GPBP1: variants seen among roughly 807,000 people sequenced by gnomAD.
GPBP1 encodes the protein vasculin.
GPBP1 carries 13 observed loss-of-function variants against 56.5 expected under a neutral mutation model. The ratio of observed to expected loss-of-function variants is 0.23; its 90% CI spans 0.15 to 0.37. GPBP1 has a LOEUF of 0.37. GPBP1 is among the 10% of genes least tolerant of loss of function. The pLI, the probability that GPBP1 is intolerant of heterozygous loss-of-function variation, is 1.00. For synonymous variants in GPBP1, 204 were observed against 188.9 expected (o/e 1.08, Z -0.66); for missense variants, 477 against 572.3 (o/e 0.83, Z 1.70).
At chr5:57,219,392 A>AC (rs759725387) in intron 3 of GPBP1, among the ~76,000 whole-genome samples, 9,610 of 75,838 alleles carry the variant, frequency 0.13, 1,448 homozygotes, top group Non-Finnish European at 0.16. Flanking sequence ...AAAAAAAAAA[A>AC]AAAAAAAAAA....
chr5:57,257,342 G>T (rs942882733), intron 10 of GPBP1, among the ~76,000 whole-genome samples: 2 of 151,982 alleles, frequency 1.3e-5, no homozygotes, highest in Non-Finnish European at 2.9e-5. Context: ...GCCAGTGATA[G>T]GTTTTTTAAG....
chr5:57,190,125 A>G (rs2111628871), intron 2 of GPBP1, among the ~76,000 whole-genome samples: 1 of 149,070 alleles, frequency 6.7e-6, no homozygotes, highest in South Asian at 2.3e-4. Context: ...TTTGCACAGT[A>G]AAAGAACTAT....
chr5:57,220,880 AATC>A (rs1755929309), intron 3 of GPBP1, among the ~76,000 whole-genome samples: 2 of 151,666 alleles, frequency 1.3e-5, no homozygotes, highest in South Asian at 2.1e-4. Flanking sequence ...TCTTTCTCAG[AATC>A]ATCATTTATG....
chr5:57,197,322 C>T (rs1026543901), intron 2 of GPBP1, among the ~76,000 whole-genome samples: 2 of 151,792 alleles, frequency 1.3e-5, no homozygotes, highest in African/African-American at 4.8e-5. Flanking sequence ...CTCAAGCAGT[C>T]CCTAGGCTTC....
In GPBP1 at chr5:57,262,929, T is replaced by G. The variant is rs1488328745; in HGVS notation, c.*177T>G. On this transcript the variant is annotated 3_prime_UTR_variant, in exon 12 of 12. Coordinates refer to ENST00000506184, the MANE Select transcript of GPBP1 (RefSeq NM_022913.4). Reference sequence around the variant, plus strand: ...ATGTTTTGTTGGGCTGTGTTGAACATTATTTCTTTGTAAATGAATGTTGTA... The same window carrying G: ...ATGTTTTGTTGGGCTGTGTTGAACAGTATTTCTTTGTAAATGAATGTTGTA... 1.9e-6 allele frequency: 1 copy of G among 523,846 alleles called. No individual in the cohort carries two copies. Among genetic ancestry groups the G allele is most frequent in the African/African-American group, 1.9e-5 (1 of 51,554 alleles). The allele number at this position is 523,846 out of a possible 1,614,324, so 32.4% of individuals were successfully genotyped here. A position where few individuals can be genotyped will look rare whatever the true frequency, so the allele number is the denominator to read the frequency against.
At chr5:57,262,535 T>C in intron 11 of GPBP1, 59 bp from the exon 12 acceptor site, 1 of 1,250,070 alleles carries the variant, frequency 8.0e-7, no homozygotes, top group East Asian at 2.3e-5. Context: ...GCTTATATTA[T>C]TACAGTAGGT....
chr5:57,209,754 G>A (rs72761780), intron 2 of GPBP1, among the ~76,000 whole-genome samples: 5,722 of 152,110 alleles, frequency 0.038, 158 homozygotes, highest in African/African-American at 0.069. Context: ...TGATCGTTTG[G>A]TATTTTTCTT....
chr5:57,208,213 T>C (rs116223212), intron 2 of GPBP1, among the ~76,000 whole-genome samples: 1,745 of 152,226 alleles, frequency 0.011, 32 homozygotes, highest in African/African-American at 0.04. Context: ...CCAGGGACCA[T>C]GCCCTTTTCT....
At chr5:57,250,146 T>G (rs1297073842) in intron 9 of GPBP1, among the ~76,000 whole-genome samples, 1 of 149,420 alleles carries the variant, frequency 6.7e-6, no homozygotes, top group Non-Finnish European at 1.5e-5. Flanking sequence ...TGGCTAATTT[T>G]TGTGTTTTTT....
intron 2 of GPBP1, among the ~76,000 whole-genome samples, chr5:57,188,958 T>C (rs562690696): frequency 1.3e-5 from 2 of 152,282 alleles, no homozygotes; most frequent in East Asian, 3.9e-4. Flanking sequence ...ATCCCACTGC[T>C]ACTAGACTTG....
chr5:57,215,549 A>G (rs1755665667), intron 3 of GPBP1, among the ~76,000 whole-genome samples: 1 of 152,162 alleles, frequency 6.6e-6, no homozygotes, highest in East Asian at 1.9e-4. Flanking sequence ...TTTGAGGCCC[A>G]GTCTCCTGAG....
Position 57,251,027 on chromosome 5 carries a change from A to C in GPBP1, c.1046A>C (p.Glu349Ala), listed in dbSNP as rs1410602747. 2.7e-5 allele frequency: 44 copies of C among 1,613,302 alleles called. No homozygotes were observed. The highest frequency in any genetic ancestry group is 3.6e-5 in the Non-Finnish European group (43 of 1,179,676). Residue 349 changes from glutamate (E) to alanine (A), a missense_variant, in exon 10 of 12, where the codon GAA becomes GCA. Coordinates refer to ENST00000506184, the MANE Select transcript of GPBP1 (RefSeq NM_022913.4). ...AGGGATATAAACCGAAACTTCGATG[A>C]AAATGAAATTCCTCAAGAGAATGGC... ...QERDINRNFD[E>A]NEIPQENGNA...
rs981227350 is a variant in GPBP1 at position 57,196,766 on chromosome 5, T to C, written c.-57-17308T>C. Among the ~76,000 whole-genome samples the C allele has an allele frequency of 5.1e-4, 78 of 152,040 alleles. 1 individual carries two copies. The highest frequency in any genetic ancestry group is 1.9e-3 in the African/African-American group (78 of 41,484). ...TGCCACCATGCCTGGCTAATTGTTT[T>C]GAATTTTATTTTATTATCATTATTA... On this transcript the variant is annotated intron_variant, in intron 2 of 11. Transcript: ENST00000506184.
At chr5:57,257,119 C>T (rs1741700094) in intron 10 of GPBP1, among the ~76,000 whole-genome samples, 1 of 151,958 alleles carries the variant, frequency 6.6e-6, no homozygotes, top group Non-Finnish European at 1.5e-5. Context: ...CTGCAACCTC[C>T]ACCTCCCGGG....
At chr5:57,186,371 G>A (rs1433723393) in intron 2 of GPBP1, among the ~76,000 whole-genome samples, 1 of 150,572 alleles carries the variant, frequency 6.6e-6, no homozygotes, top group East Asian at 1.9e-4. Context: ...GGGTGACAGA[G>A]CGGGACCTTG....
chr5:57,205,838 A>T (rs893780081), intron 2 of GPBP1, among the ~76,000 whole-genome samples: 3 of 152,186 alleles, frequency 2.0e-5, no homozygotes, highest in African/African-American at 7.2e-5. Context: ...ATCAAGGCTC[A>T]CTGCAGTACC....
chr5:57,188,626 C>T (rs1490845912), intron 2 of GPBP1, among the ~76,000 whole-genome samples: 1 of 152,028 alleles, frequency 6.6e-6, no homozygotes, highest in Admixed American at 6.6e-5. Flanking sequence ...GCCTGTAATC[C>T]CAGCTACTCG....
At chr5:57,243,665 C>T (rs1405098028) in intron 6 of GPBP1, among the ~76,000 whole-genome samples, 1 of 150,560 alleles carries the variant, frequency 6.6e-6, no homozygotes, top group African/African-American at 2.4e-5. Context: ...ATCTACTTGC[C>T]TATCTAGTTT....
At chr5:57,210,837 A>G (rs1167241975) in intron 2 of GPBP1, among the ~76,000 whole-genome samples, 1 of 152,130 alleles carries the variant, frequency 6.6e-6, no homozygotes, top group Non-Finnish European at 1.5e-5. Context: ...TGGTCCTTTT[A>G]TCTGTGCATG....
Sources: gnomAD v4.1 joint callset for allele counts (sites outside exome capture counted in the v4.1 genomes callset) on GRCh38, gnomAD v4.1.1 for gene constraint, MANE v1.5 for transcripts, NCBI Gene and HGNC (gene_info 2026-07-23, HGNC 2026-07-21) for gene names.